Variants in UNC13C observed in about 807,000 individuals in gnomAD.
UNC13C encodes protein unc-13 homolog C.
A neutral mutation model predicts 245.4 loss-of-function variants in UNC13C; 174 were observed. The ratio of observed to expected loss-of-function variants is 0.71; its 90% CI spans 0.63 to 0.80. The LOEUF is 0.80. Ranked by LOEUF, UNC13C falls within the 30% of genes least tolerant of loss-of-function variation. The pLI, the probability that UNC13C is intolerant of heterozygous loss-of-function variation, is 0.00. For missense variants in UNC13C, 2,829 were observed against 2,602.9 expected, an observed-to-expected ratio of 1.09 and a Z score of -1.89; for synonymous variants, 992 against 895.1, an observed-to-expected ratio of 1.11 and a Z score of -1.93.
At chr15:54,115,667 T>C (rs564663612) in intron 2 of UNC13C, among the ~76,000 whole-genome samples, 66 of 152,232 alleles carry the variant, frequency 4.3e-4, no homozygotes, top group Middle Eastern at 3.4e-3. Flanking sequence ...CTGCTTTCAT[T>C]TGGTTAAAAC....
At chr15:54,175,828 CAT>C (rs1225416813) in intron 4 of UNC13C, among the ~76,000 whole-genome samples, 1 of 152,074 alleles carries the variant, frequency 6.6e-6, no homozygotes, top group Non-Finnish European at 1.5e-5. Flanking sequence ...TGTTATGGGT[CAT>C]GTGGTGGCAC....
intron 2 of UNC13C, among the ~76,000 whole-genome samples, chr15:54,086,594 G>A (rs1438439450): frequency 6.6e-6 from 1 of 152,024 alleles, no homozygotes; most frequent in East Asian, 1.9e-4. Flanking sequence ...TAAGATGAAA[G>A]TTCAAAAGAG....
intron 19 of UNC13C, among the ~76,000 whole-genome samples, chr15:54,455,205 C>CTCTCTCTCTCTCTATATATATATATA (rs1388065398): frequency 5.3e-5 from 1 of 18,964 alleles, no homozygotes; most frequent in African/African-American, 1.9e-4. Context: ...CTCTCTCTCT[C>CTCTCTCTCTCTCTATATATATATATA]TATATATATA....
At chr15:54,522,204 C>A (rs1241845228) in intron 24 of UNC13C, among the ~76,000 whole-genome samples, 1 of 151,988 alleles carries the variant, frequency 6.6e-6, no homozygotes, top group Non-Finnish European at 1.5e-5. Flanking sequence ...GGCGCGGTGG[C>A]TCACGCCTGT....
chr15:54,268,592 A>T (rs985217202), intron 10 of UNC13C, among the ~76,000 whole-genome samples: 4 of 152,120 alleles, frequency 2.6e-5, no homozygotes, highest in Admixed American at 2.6e-4. Context: ...CTTAAGTTAC[A>T]TGGAAATATT....
Position 54,237,698 on chromosome 15 carries a change from C to T in UNC13C, c.3228+8C>T, listed in dbSNP as rs376385714. Reference sequence around the variant, plus strand: ...CTAAATAATGAGGAACTGGTAAGTACTAGATATTGCTCATAATATCTAACT... The same window carrying T: ...CTAAATAATGAGGAACTGGTAAGTATTAGATATTGCTCATAATATCTAACT... On this transcript the variant is annotated splice_region_variant and intron_variant, in intron 7 of 32. Coordinates refer to ENST00000260323, the MANE Select transcript of UNC13C (RefSeq NM_001080534.3). The T allele has an allele frequency of 6.3e-7, 1 of 1,595,814 alleles. No homozygotes were observed. The highest frequency in any genetic ancestry group is 2.2e-5 in the East Asian group (1 of 44,684).
At chr15:54,363,685 C>T (rs1159103391) in intron 17 of UNC13C, among the ~76,000 whole-genome samples, 1 of 152,100 alleles carries the variant, frequency 6.6e-6, no homozygotes, top group East Asian at 1.9e-4. Context: ...AGGGGTGAGA[C>T]TGGGAGCAAG....
At chr15:54,619,462 G>A (rs1381109340) in intron 30 of UNC13C, among the ~76,000 whole-genome samples, 2 of 152,112 alleles carry the variant, frequency 1.3e-5, no homozygotes, top group African/African-American at 4.8e-5. Context: ...AATCACATGG[G>A]TTTGTAACTG....
chr15:54,081,910 G>C lies in UNC13C; in HGVS notation c.2984-61108G>C, dbSNP rs79827484. On this transcript the variant is annotated intron_variant, in intron 2 of 32. Coordinates refer to ENST00000260323, the MANE Select transcript of UNC13C (RefSeq NM_001080534.3). ...ACTTTGTACTTACCTGTCCTTTTAC[G>C]GTAGCAAGTATCATCCTTTCATTTC... is the stretch of plus-strand genomic sequence containing the variant. Among the ~76,000 whole-genome samples, 605 of 152,062 alleles carry C rather than the reference G, an allele frequency of 4.0e-3. 6 individuals carry two copies. Among genetic ancestry groups the C allele is most frequent in the Non-Finnish European group, 6.6e-3 (448 of 67,956 alleles).
At chr15:54,210,937 G>C (rs2140749131) in intron 4 of UNC13C, among the ~76,000 whole-genome samples, 1 of 152,218 alleles carries the variant, frequency 6.6e-6, no homozygotes, top group Non-Finnish European at 1.5e-5. Flanking sequence ...TTATTACACT[G>C]ATCAGCAAAC....
rs2040006720 is a variant in UNC13C, at chr15:54,393,505, CTAAAAA to C, written c.4847+328_4847+333del. On this transcript the variant is annotated intron_variant, in intron 18 of 32. Coordinates refer to ENST00000260323, the MANE Select transcript of UNC13C (RefSeq NM_001080534.3). Reference sequence around the variant, plus strand: ...GAAAAAAATGTACACTCCCCCAAAACTAAAAATAATTTTGAAGAGCTAGTGTTAAAC... The same window carrying C: ...GAAAAAAATGTACACTCCCCCAAAACTAATTTTGAAGAGCTAGTGTTAAAC... Among the ~76,000 whole-genome samples, 4 of 151,754 alleles carry C rather than the reference CTAAAAA, an allele frequency of 2.6e-5. No individual in the cohort carries two copies. In the South Asian group the frequency reaches 8.3e-4, roughly 31 times the overall value.
At chr15:54,396,506 A>G (rs2040072822) in intron 18 of UNC13C, among the ~76,000 whole-genome samples, 1 of 151,608 alleles carries the variant, frequency 6.6e-6, no homozygotes, top group African/African-American at 2.4e-5. Flanking sequence ...TATATACCAC[A>G]ATATGTTTAT....
chr15:54,284,500 C>T (rs1166737915), intron 10 of UNC13C, among the ~76,000 whole-genome samples: 2 of 152,042 alleles, frequency 1.3e-5, no homozygotes, highest in East Asian at 3.9e-4. Context: ...TAAGTGTTCA[C>T]CAGAGGAGTA....
chr15:54,077,654 A>T (rs1388572337), intron 2 of UNC13C, among the ~76,000 whole-genome samples: 1 of 152,030 alleles, frequency 6.6e-6, no homozygotes, highest in Non-Finnish European at 1.5e-5. Flanking sequence ...TACAGGCATG[A>T]GCCACCATGC....
intron 30 of UNC13C, among the ~76,000 whole-genome samples, chr15:54,589,292 T>TTC: frequency 9.9e-6 from 1 of 100,782 alleles, no homozygotes; most frequent in African/African-American, 4.3e-5. Flanking sequence ...TCTTCTTCTT[T>TTC]TTTTTTTTTT....
rs1225205082 is a variant in UNC13C at position 54,013,109 on chromosome 15, G to A, written c.206G>A (p.Cys69Tyr). 1.2e-6 allele frequency: 2 copies of A among 1,613,776 alleles called. No individual in the cohort carries two copies. Among genetic ancestry groups the A allele is most frequent in the Admixed American group, 3.3e-5 (2 of 59,972 alleles). The change falls in exon 2 of 33, where the codon TGT (cysteine) becomes TAT (tyrosine). Residue 69 changes from cysteine to tyrosine, a missense_variant. Cys to Tyr is a radical substitution (Grantham distance 194). Transcript: ENST00000260323. ...AGCACTGTAAAGAAGATTGCAAAGT[G>A]TTCATCCACTCACAACTTATCCACT... ...FKSTVKKIAK[C>Y]SSTHNLSTEE...
chr15:54,098,427 G>T (rs150935476), intron 2 of UNC13C, among the ~76,000 whole-genome samples: 69 of 152,234 alleles, frequency 4.5e-4, no homozygotes, highest in African/African-American at 1.6e-3. Flanking sequence ...CGCCCACCTT[G>T]GCCTCCCAAA....
the UNC13C span, among the ~76,000 whole-genome samples, chr15:53,906,800 G>A: frequency 1.3e-5 from 2 of 152,220 alleles, no homozygotes; most frequent in East Asian, 1.9e-4. Flanking sequence ...CTTGGTTGGG[G>A]AGGTCCTCAA....
Position 54,013,717 on chromosome 15 carries a change from C to G in UNC13C, c.814C>G (p.His272Asp). ...ELRGHVNALK[H>D]SIDEISSSVE... Reference sequence around the variant, plus strand: ...ACGAGGGCACGTCAATGCTCTCAAGCACTCCATCGATGAGATCTCCAGCAG... The same window carrying G: ...ACGAGGGCACGTCAATGCTCTCAAGGACTCCATCGATGAGATCTCCAGCAG... Residue 272 changes from histidine to aspartate, a missense_variant, in exon 2 of 33, where the codon CAC becomes GAC. His to Asp is a moderately conservative substitution (Grantham distance 81). Transcript: ENST00000260323. 1 of 1,613,124 alleles carries G rather than the reference C, an allele frequency of 6.2e-7. No individual in the cohort carries two copies. The highest frequency in any genetic ancestry group is 1.1e-5 in the South Asian group (1 of 90,996).
Sources: allele counts gnomAD v4.1 joint callset (sites outside exome capture counted in the v4.1 genomes callset), GRCh38; gene constraint gnomAD v4.1.1; transcripts MANE v1.5; gene names NCBI Gene and HGNC (gene_info 2026-07-23, HGNC 2026-07-21).